Variants in PPARG observed in about 807,000 individuals in gnomAD.
PPARG encodes peroxisome proliferator activated receptor gamma, also known as peroxisome proliferator-activated receptor gamma.
A neutral mutation model predicts 39.2 loss-of-function variants in PPARG; 17 were observed. That is an observed-to-expected ratio of 0.43 (90% CI 0.30 to 0.65). The LOEUF (loss-of-function observed/expected upper bound fraction) is 0.65. Among genes scored for constraint, PPARG ranks in the 30% least tolerant of loss-of-function variants. The pLI is 0.13. For missense variants in PPARG, 406 were observed against 585.9 expected, an observed-to-expected ratio of 0.69 and a Z score of 3.17; for synonymous variants, 223 against 215.7, an observed-to-expected ratio of 1.03 and a Z score of -0.30.
chr3:12,293,057 G>A (rs571599680), intron 1 of PPARG, among the ~76,000 whole-genome samples: 105 of 152,368 alleles, frequency 6.9e-4, no homozygotes, highest in African/African-American at 2.5e-3. Context: ...ATCCTACAGC[G>A]TAGGCTTTCT....
chr3:12,371,704 G>A, intron 2 of PPARG: 1 of 429,628 alleles, frequency 2.3e-6, no homozygotes. Context: ...ACAGCGCTGA[G>A]AATGCCAGGC....
intron 7 of PPARG, among the ~76,000 whole-genome samples, chr3:12,427,366 C>G (rs531733267): frequency 6.6e-6 from 1 of 152,190 alleles, no homozygotes; most frequent in Non-Finnish European, 1.5e-5. Context: ...AAACCCCAAA[C>G]GTGTCTGCAT....
At chr3:12,300,749 A>G (rs1245166214) in intron 1 of PPARG, among the ~76,000 whole-genome samples, 1 of 152,182 alleles carries the variant, frequency 6.6e-6, no homozygotes, top group African/African-American at 2.4e-5. Context: ...ATTTGATGTC[A>G]TGTCTGATAA....
chr3:12,426,065 G>T (rs1447406546), intron 7 of PPARG, among the ~76,000 whole-genome samples: 1 of 152,174 alleles, frequency 6.6e-6, no homozygotes, highest in African/African-American at 2.4e-5. Flanking sequence ...GGAGTGGAGT[G>T]TTGAGATGAG....
intron 2 of PPARG, among the ~76,000 whole-genome samples, chr3:12,345,064 A>G (rs1303759024): frequency 6.6e-6 from 1 of 150,904 alleles, no homozygotes; most frequent in Non-Finnish European, 1.5e-5. Flanking sequence ...CGAAATAAAA[A>G]CACTATACAG....
chr3:12,369,228 A>G (rs2049124622), intron 2 of PPARG, among the ~76,000 whole-genome samples: 1 of 152,142 alleles, frequency 6.6e-6, no homozygotes, highest in South Asian at 2.1e-4. Context: ...ATAGTGACTC[A>G]CGCCTGTAAT....
At chr3:12,386,549 A>T (rs1205028981) in intron 4 of PPARG, among the ~76,000 whole-genome samples, 1 of 151,244 alleles carries the variant, frequency 6.6e-6, no homozygotes, top group Non-Finnish European at 1.5e-5. Flanking sequence ...TGTGTCAAAG[A>T]TTTATTTAAA....
At chr3:12,430,927 A>G (rs138820977) in intron 7 of PPARG, among the ~76,000 whole-genome samples, 32 of 152,354 alleles carry the variant, frequency 2.1e-4, no homozygotes, top group Admixed American at 4.6e-4. Flanking sequence ...ATAGATTAAT[A>G]TGGCTTAACA....
At chr3:12,306,975 G>T (rs957260535) in intron 1 of PPARG, among the ~76,000 whole-genome samples, 2 of 151,804 alleles carry the variant, frequency 1.3e-5, no homozygotes, top group Non-Finnish European at 2.9e-5. Flanking sequence ...GTGGGCGCCT[G>T]TAGTCCCAGC....
chr3:12,427,210 A>ACTTCCGTTT, intron 7 of PPARG, among the ~76,000 whole-genome samples: 1 of 21,846 alleles, frequency 4.6e-5, no homozygotes, highest in Middle Eastern at 0.021. Context: ...TACTTTGCTG[A>ACTTCCGTTT]ATTGGATCAG....
intron 6 of PPARG, among the ~76,000 whole-genome samples, chr3:12,412,740 C>A (rs1369977208): frequency 6.6e-6 from 1 of 152,260 alleles, no homozygotes; most frequent in Middle Eastern, 3.4e-3. Flanking sequence ...AGGGCCGAAG[C>A]AATTTTATTC....
chr3:12,296,071 G>A (rs1411273478), intron 1 of PPARG, among the ~76,000 whole-genome samples: 1 of 151,418 alleles, frequency 6.6e-6, no homozygotes, highest in Non-Finnish European at 1.5e-5. Context: ...GGCCAACGTG[G>A]CAGAACCCCG....
intron 1 of PPARG, among the ~76,000 whole-genome samples, chr3:12,307,135 A>T (rs889436107): frequency 7.7e-6 from 1 of 129,938 alleles, no homozygotes; most frequent in African/African-American, 3.0e-5. Flanking sequence ...CTGTTAGGAA[A>T]TTCTTTTTTT....
intron 5 of PPARG, among the ~76,000 whole-genome samples, chr3:12,399,034 A>AGAAAGACTCATC (rs1242298074): frequency 6.6e-6 from 1 of 152,188 alleles, no homozygotes; most frequent in Admixed American, 6.5e-5. Context: ...GGCACACTAG[A>AGAAAGACTCATC]GAAAGACTCA....
chr3:12,380,680 A>G (rs757410290), intron 3 of PPARG, among the ~76,000 whole-genome samples: 13 of 152,156 alleles, frequency 8.5e-5, no homozygotes, highest in Non-Finnish European at 4.4e-5. Context: ...ATATTTATCT[A>G]TGCGGTTTTC....
chr3:12,379,438 G>A (rs2049540764), intron 2 of PPARG, among the ~76,000 whole-genome samples: 1 of 152,142 alleles, frequency 6.6e-6, no homozygotes, highest in Non-Finnish European at 1.5e-5. Flanking sequence ...AGGCCTGTTG[G>A]CAAAAAGGCA....
chr3:12,384,294 C>A (rs1198545042), intron 4 of PPARG, among the ~76,000 whole-genome samples: 1 of 151,978 alleles, frequency 6.6e-6, no homozygotes, highest in East Asian at 1.9e-4. Flanking sequence ...ATACTGATTG[C>A]ACAGAATAAA....
chr3:12,328,102 G>A (rs2047746094), intron 2 of PPARG: 1 of 1,414,824 alleles, frequency 7.1e-7, no homozygotes, highest in Non-Finnish European at 1.0e-6. Context: ...TGAAGGTGTA[G>A]GAAGAATGTT....
intron 4 of PPARG, among the ~76,000 whole-genome samples, chr3:12,382,558 G>A (rs2049715758): frequency 6.6e-6 from 1 of 152,040 alleles, no homozygotes; most frequent in African/African-American, 2.4e-5. Flanking sequence ...CTAAATGGAT[G>A]GTGGGCCAAA....
Sources: allele counts gnomAD v4.1 joint callset (sites outside exome capture counted in the v4.1 genomes callset), GRCh38; gene constraint gnomAD v4.1.1; transcripts MANE v1.5; gene names NCBI Gene and HGNC (gene_info 2026-07-23, HGNC 2026-07-21).